Variants in ST18 observed in about 807,000 individuals in gnomAD.
The protein encoded by ST18 is suppression of tumorigenicity 18 protein.
Under a neutral mutation model 110.0 loss-of-function variants are expected in ST18, and 50 were observed. The ratio of observed to expected loss-of-function variants is 0.45; its 90% confidence interval spans 0.36 to 0.58. The LOEUF is 0.58. Among genes scored for constraint, ST18 ranks in the 20% least tolerant of loss-of-function variants. ST18 has a pLI of 0.00. For missense variants in ST18, 1,306 were observed against 1,280.1 expected (o/e 1.02, Z -0.31); for synonymous variants, 461 against 452.4 (o/e 1.02, Z -0.24).
At chr8:52,390,744 C>G (rs1446990529) in intron 2 of ST18, among the ~76,000 whole-genome samples, 1 of 152,178 alleles carries the variant, frequency 6.6e-6, no homozygotes, top group Non-Finnish European at 1.5e-5. Context: ...CCCACTGGGC[C>G]CGTGCCACAG....
intron 2 of ST18, among the ~76,000 whole-genome samples, chr8:52,314,923 C>A (rs1359679868): frequency 6.6e-6 from 1 of 152,190 alleles, no homozygotes; most frequent in Non-Finnish European, 1.5e-5. Flanking sequence ...GAGGTTCAGA[C>A]CTCACTTTCT....
In ST18 at chr8:52,388,334, A is replaced by G. The variant is rs929389821; in HGVS notation, c.-465+20994T>C. The stretch of plus-strand genomic sequence containing the variant: ...GAGCTGCAGAGCCTCAGCCACCCAC[A>G]CCCAACGTGAGTCCCCTTTCCTCCG... On this transcript the variant is annotated intron_variant, in intron 2 of 25. Transcript: ENST00000689386. Among the ~76,000 whole-genome samples, 5 of 151,156 alleles carry G rather than the reference A, an allele frequency of 3.3e-5. No individual in the cohort carries two copies. The East Asian group carries it at 7.9e-4, about 24-fold the overall frequency.
intron 2 of ST18, among the ~76,000 whole-genome samples, chr8:52,269,129 C>A (rs912914590): frequency 6.6e-6 from 1 of 152,216 alleles, no homozygotes; most frequent in Admixed American, 6.5e-5. Context: ...CTAGATATTA[C>A]TTCTATCAAA....
chr8:52,258,723 T>C (rs958485256), intron 2 of ST18, among the ~76,000 whole-genome samples: 3 of 152,208 alleles, frequency 2.0e-5, no homozygotes, highest in Non-Finnish European at 4.4e-5. Context: ...CTTATATTTC[T>C]TTTTATTGCT....
intron 2 of ST18, among the ~76,000 whole-genome samples, chr8:52,381,686 T>C (rs1834581860): frequency 2.6e-5 from 4 of 152,168 alleles, no homozygotes; most frequent in Admixed American, 2.6e-4. Flanking sequence ...CTGGGCAGAT[T>C]GCACCAGATC....
At chr8:52,194,871 G>A (rs946640995) in intron 8 of ST18, 1 of 152,112 alleles carries the variant, frequency 6.6e-6, no homozygotes, top group Non-Finnish European at 1.5e-5. Flanking sequence ...TCATTTTAAA[G>A]ATAATTTAAT....
intron 2 of ST18, among the ~76,000 whole-genome samples, chr8:52,358,534 G>A (rs1394295150): frequency 6.6e-6 from 1 of 151,800 alleles, no homozygotes; most frequent in Non-Finnish European, 1.5e-5. Context: ...TAACTTTATA[G>A]AAATAAAAAG....
chr8:52,192,650 C>T (rs1008336155), intron 8 of ST18, among the ~76,000 whole-genome samples: 6 of 152,138 alleles, frequency 3.9e-5, no homozygotes, highest in South Asian at 4.1e-4. Flanking sequence ...GTGATGTCTT[C>T]GGCAGTTTAA....
At chr8:52,208,742 C>T (rs1245610063) in intron 8 of ST18, among the ~76,000 whole-genome samples, 3 of 152,170 alleles carry the variant, frequency 2.0e-5, no homozygotes, top group African/African-American at 7.2e-5. Flanking sequence ...GGCGTGAGCC[C>T]GGGAGGCGGA....
chr8:52,166,875 TG>T lies in ST18; in HGVS notation c.1180del (p.His394ThrfsTer30). 1 of 1,595,056 alleles carries T rather than the reference TG, an allele frequency of 6.3e-7. No homozygotes were observed. Among genetic ancestry groups the T allele is most frequent in the East Asian group, 2.3e-5 (1 of 44,236 alleles). On this transcript the variant is annotated frameshift_variant, in exon 11 of 26. Coordinates refer to ENST00000689386, the MANE Select transcript of ST18 (RefSeq NM_001352837.2). LOFTEE classifies it high-confidence loss of function. ...PHHRSLSGCP[H>X]KVRVPLEILA... is the part of the protein sequence containing the mutation. ...ACTTTCCAGGGGAACCCGCACTTTG[TG>T]GGGGCACCCCGAAAGGCTGCGGTGG...
chr8:52,246,924 T>C (rs2093907027), intron 2 of ST18, among the ~76,000 whole-genome samples: 1 of 152,130 alleles, frequency 6.6e-6, no homozygotes, highest in Non-Finnish European at 1.5e-5. Flanking sequence ...TTAGAGAACT[T>C]ATCCAGGGCA....
rs1241929795 is a variant in ST18 at position 52,161,611 on chromosome 8, CT to C, written c.1401-44del. On this transcript the variant is annotated intron_variant, in intron 13 of 25. Coordinates refer to ENST00000689386, the MANE Select transcript of ST18 (RefSeq NM_001352837.2). ...GCAGTTCAAAAGAAATACAATGAAACTACTGGTGAGCACATTAGTGTCAGAA... is the reference window on the plus strand; with the variant it reads ...GCAGTTCAAAAGAAATACAATGAAACACTGGTGAGCACATTAGTGTCAGAA... The C allele has an allele frequency of 1.9e-6, 3 of 1,600,776 alleles. No homozygotes were observed. The African/African-American group carries it at 4.0e-5, about 21-fold the overall frequency.
At chr8:52,256,821 T>C (rs1000244844) in intron 2 of ST18, among the ~76,000 whole-genome samples, 3 of 152,216 alleles carry the variant, frequency 2.0e-5, no homozygotes, top group African/African-American at 7.2e-5. Flanking sequence ...TATTCACCTA[T>C]TTAAAATATA....
intron 18 of ST18, 108 bp downstream of exon 18, chr8:52,137,313 C>A: frequency 8.6e-7 from 1 of 1,160,616 alleles, no homozygotes; most frequent in African/African-American, 1.6e-5. Flanking sequence ...AAAAACCCAA[C>A]CAACTCATTT....
chr8:52,218,674 A>G (rs1192460517), intron 5 of ST18, among the ~76,000 whole-genome samples: 2 of 150,498 alleles, frequency 1.3e-5, no homozygotes, highest in African/African-American at 4.9e-5. Context: ...TGCTGGGATT[A>G]CAGGCATGAG....
intron 2 of ST18, among the ~76,000 whole-genome samples, chr8:52,400,281 C>T (rs1476438463): frequency 6.6e-6 from 1 of 152,076 alleles, no homozygotes; most frequent in Non-Finnish European, 1.5e-5. Flanking sequence ...CCTTCACTTT[C>T]AGCCTGTGTA....
At chr8:52,214,394 G>A (rs1299834628) in intron 6 of ST18, 137 bp from the exon 7 acceptor site, 1 of 767,528 alleles carries the variant, frequency 1.3e-6, no homozygotes, top group South Asian at 1.8e-5. Context: ...CGGCTCTATA[G>A]TACATAACTG....
intron 8 of ST18, among the ~76,000 whole-genome samples, chr8:52,186,578 G>T (rs1418104007): frequency 6.6e-6 from 1 of 152,160 alleles, no homozygotes; most frequent in Non-Finnish European, 1.5e-5. Flanking sequence ...ACCTGAAAGA[G>T]CCATGTCCAT....
intron 3 of ST18, among the ~76,000 whole-genome samples, chr8:52,229,476 C>T (rs1402956809): frequency 2.0e-5 from 3 of 152,156 alleles, no homozygotes; most frequent in Non-Finnish European, 4.4e-5. Context: ...GCTTCCACAG[C>T]CCACTCCTTT....
Sources: allele counts gnomAD v4.1 joint callset (sites outside exome capture counted in the v4.1 genomes callset), GRCh38; gene constraint gnomAD v4.1.1; transcripts MANE v1.5; gene names NCBI Gene and HGNC (gene_info 2026-07-23, HGNC 2026-07-21).